Variants in SETDB2 observed in about 807,000 individuals in gnomAD.
SETDB2 encodes the protein histone-lysine N-methyltransferase SETDB2.
A neutral mutation model predicts 82.5 loss-of-function variants in SETDB2; 56 were observed. The ratio of observed to expected loss-of-function variants is 0.68; its 90% CI spans 0.55 to 0.85. The LOEUF is 0.85. Ranked by LOEUF, SETDB2 falls within the 40% of genes least tolerant of loss-of-function variation. The pLI is 0.00. For synonymous variants in SETDB2, 272 were observed against 284.9 expected, an observed-to-expected ratio of 0.95 and a Z score of 0.46; for missense variants, 677 against 816.4, an observed-to-expected ratio of 0.83 and a Z score of 2.08.
At position 49,471,913 on chromosome 13, in the gene SETDB2, C is replaced by CAT. The variant is rs1232849321; in HGVS notation, c.305+3974_305+3975dup. Among the ~76,000 whole-genome samples, 420 of 107,704 alleles carry CAT rather than the reference C, an allele frequency of 3.9e-3. 3 individuals carry two copies. Among genetic ancestry groups the CAT allele is most frequent in the African/African-American group, 6.0e-3 (164 of 27,202 alleles). 70.7% of individuals were successfully genotyped at this position (107,704 alleles called of 152,430 possible). A position where few individuals can be genotyped will look rare whatever the true frequency, so the allele number is the denominator to read the frequency against. On this transcript the variant is annotated intron_variant, in intron 5 of 13. Transcript: ENST00000611815. The stretch of plus-strand genomic sequence containing the variant: ...CTAGTGCAAGTGTTATCTCATGTGA[C>CAT]ATATATATATATATATATATATTTT...
chr13:49,473,505 T>G (rs113933573), intron 5 of SETDB2, among the ~76,000 whole-genome samples: 4,075 of 144,484 alleles, frequency 0.028, 197 homozygotes, highest in African/African-American at 0.1. Flanking sequence ...GAACCAAGAT[T>G]GCACCACTGC....
intron 5 of SETDB2, among the ~76,000 whole-genome samples, chr13:49,472,858 C>G (rs1480657454): frequency 6.6e-6 from 1 of 152,082 alleles, no homozygotes; most frequent in African/African-American, 2.4e-5. Context: ...GTGTTAATTG[C>G]TCAGTAACTA....
rs1958735426 is a variant in SETDB2, at chr13:49,492,674, G to T, written c.*825G>T. 1 of 152,110 alleles carries T rather than the reference G, an allele frequency of 6.6e-6. No individual in the cohort carries two copies. The highest frequency in any genetic ancestry group is 6.6e-5 in the Admixed American group (1 of 15,266). 9.4% of individuals were successfully genotyped at this position (152,110 alleles called of 1,614,324 possible). ...CAAAAATTTCACTTAAAAAACACAA[G>T]AAGTCCAGGTATGGTGGCTCAGACC... On this transcript the variant is annotated 3_prime_UTR_variant, in exon 14 of 14. Transcript: ENST00000611815.
intron 5 of SETDB2, among the ~76,000 whole-genome samples, chr13:49,476,043 C>G (rs1398302619): frequency 6.6e-6 from 1 of 152,122 alleles, no homozygotes; most frequent in Non-Finnish European, 1.5e-5. Flanking sequence ...TTTATTGATT[C>G]ATGCTCTAAA....
chr13:49,476,042 T>G (rs1408406414), intron 5 of SETDB2, among the ~76,000 whole-genome samples: 10 of 152,166 alleles, frequency 6.6e-5, no homozygotes. Flanking sequence ...CTTTATTGAT[T>G]CATGCTCTAA....
intron 4 of SETDB2, among the ~76,000 whole-genome samples, chr13:49,462,939 G>T (rs1471697941): frequency 6.6e-6 from 1 of 152,134 alleles, no homozygotes. Context: ...AGTGGCTGGG[G>T]GATGAGGGCT....
chr13:49,471,936 T>A (rs9535250), intron 5 of SETDB2, among the ~76,000 whole-genome samples: 1,979 of 95,630 alleles, frequency 0.021, 27 homozygotes, highest in African/African-American at 0.072. Flanking sequence ...ATATATATAT[T>A]TTTTTTTTTT....
intron 2 of SETDB2, among the ~76,000 whole-genome samples, chr13:49,459,613 T>C (rs1957954105): frequency 6.6e-6 from 1 of 152,236 alleles, no homozygotes; most frequent in African/African-American, 2.4e-5. Flanking sequence ...AAATGTTGGC[T>C]CATTTATGTA....
At position 49,476,758 on chromosome 13, in the gene SETDB2, C is replaced by T. The variant is rs1958372929; in HGVS notation, c.588C>T (p.Tyr196=). 1.2e-6 allele frequency: 2 copies of T among 1,614,042 alleles called. No homozygotes were observed. Among genetic ancestry groups the T allele is most frequent in the Non-Finnish European group, 1.7e-6 (2 of 1,180,016 alleles). ...GAAACGTGGAGGAAGTTTTTCGTTA[C>T]CTGCTTGAGACAGAGTGTAACTTTT... ...SLRNVEEVFR[Y]LLETECNFLF... The change falls in exon 6 of 14, where the codon TAC becomes TAT. Residue 196 remains tyrosine (Y), a synonymous_variant. Transcript: ENST00000611815.
At chr13:49,465,783 C>T (rs1193756384) in intron 4 of SETDB2, among the ~76,000 whole-genome samples, 2 of 152,102 alleles carry the variant, frequency 1.3e-5, no homozygotes, top group Admixed American at 6.5e-5. Context: ...GTGATCCACC[C>T]GCCTTGGCCT....
intron 5 of SETDB2, among the ~76,000 whole-genome samples, chr13:49,470,808 G>A (rs562515196): frequency 1.3e-5 from 2 of 152,100 alleles, no homozygotes; most frequent in Non-Finnish European, 2.9e-5. Context: ...TCGCGCCTCC[G>A]CACTCTAGCT....
intron 2 of SETDB2, among the ~76,000 whole-genome samples, chr13:49,459,660 A>C (rs1040366041): frequency 1.3e-5 from 2 of 152,182 alleles, no homozygotes; most frequent in Non-Finnish European, 2.9e-5. Context: ...AATTTGCTTC[A>C]TGCAATTAAA....
intron 2 of SETDB2, among the ~76,000 whole-genome samples, chr13:49,453,616 C>A (rs1202166496): frequency 6.6e-6 from 1 of 152,066 alleles, no homozygotes; most frequent in Admixed American, 6.6e-5. Flanking sequence ...TCTTGTGTCC[C>A]TTTGATATAC....
chr13:49,467,237 C>T (rs1958133765), intron 4 of SETDB2, among the ~76,000 whole-genome samples: 2 of 151,916 alleles, frequency 1.3e-5, no homozygotes, highest in Non-Finnish European at 2.9e-5. Context: ...TCTACTAAAA[C>T]TACAAAAATT....
At chr13:49,478,003 G>A (rs1210948746) in intron 6 of SETDB2, among the ~76,000 whole-genome samples, 2 of 152,150 alleles carry the variant, frequency 1.3e-5, no homozygotes, top group East Asian at 3.8e-4. Flanking sequence ...ATGTAGAGTG[G>A]TGTTGCATTA....
intron 2 of SETDB2, among the ~76,000 whole-genome samples, chr13:49,452,918 G>C (rs1957810103): frequency 1.3e-5 from 2 of 152,136 alleles, no homozygotes; most frequent in African/African-American, 4.8e-5. Flanking sequence ...TATTGAACTT[G>C]ATCAACAGAG....
chr13:49,476,639 A>G lies in SETDB2; in HGVS notation c.469A>G (p.Ile157Val), dbSNP rs151314217. ...GGGAGAAAACCCTCTGCAGCTGCCA[A>G]TCAAATGTCACTTCCAAAGACGACA... ...LKGENPLQLP[I>V]KCHFQRRHAK... Residue 157 changes from isoleucine to valine, a missense_variant, in exon 6 of 14, where the codon ATC (isoleucine) becomes GTC (valine). Coordinates refer to ENST00000611815, the MANE Select transcript of SETDB2 (RefSeq NM_001160308.3). The G allele has an allele frequency of 3.7e-6, 6 of 1,614,072 alleles. No individual in the cohort carries two copies. The East Asian group carries it at 8.9e-5, about 24-fold the overall frequency.
intron 1 of SETDB2, among the ~76,000 whole-genome samples, chr13:49,447,101 G>A (rs570394085): frequency 1.3e-5 from 2 of 152,120 alleles, no homozygotes; most frequent in East Asian, 3.9e-4. Context: ...TTTTCATTCT[G>A]TGATCTAAGA....
Position 49,494,359 on chromosome 13 carries a change from CTG to C in SETDB2, c.*2514_*2515del, listed in dbSNP as rs1958766461. On this transcript the variant is annotated 3_prime_UTR_variant, in exon 14 of 14. Coordinates refer to ENST00000611815, the MANE Select transcript of SETDB2 (RefSeq NM_001160308.3). ...CATCTCTGTATTCTTTCGGCATAAT[CTG>C]TGTCCTCCAGGGTTTGTTTCTTTGT... is the stretch of plus-strand genomic sequence containing the variant. The C allele has an allele frequency of 6.6e-6, 1 of 152,192 alleles. No homozygotes were observed. Among genetic ancestry groups the C allele is most frequent in the African/African-American group, 2.4e-5 (1 of 41,434 alleles). The allele number at this position is 152,192 out of a possible 1,614,324, so 9.4% of individuals were successfully genotyped here.
Sources: gnomAD v4.1 joint callset for allele counts (sites outside exome capture counted in the v4.1 genomes callset) on GRCh38, gnomAD v4.1.1 for gene constraint, MANE v1.5 for transcripts, NCBI Gene and HGNC (gene_info 2026-07-23, HGNC 2026-07-21) for gene names.